The following SLCO1A2 variants were observed in gnomAD, a reference collection of about 807,000 sequenced individuals.
The protein encoded by SLCO1A2 is solute carrier organic anion transporter family member 1A2, also known as OATP-1.
A neutral mutation model predicts 69.0 loss-of-function variants in SLCO1A2; 67 were observed. The observed-to-expected ratio is 0.97, with a 90% confidence interval of 0.80 to 1.19. The LOEUF (loss-of-function observed/expected upper bound fraction) is 1.19. SLCO1A2 is among the 50% of genes most tolerant of loss of function. The pLI, the probability that SLCO1A2 is intolerant of heterozygous loss-of-function variation, is 0.00. For synonymous variants in SLCO1A2, 260 were observed against 265.9 expected (o/e 0.98, Z 0.22); for missense variants, 787 against 793.7 (o/e 0.99, Z 0.10).
chr12:21,375,756 G>A (rs1418610970), intron 1 of SLCO1A2, among the ~76,000 whole-genome samples: 1 of 152,154 alleles, frequency 6.6e-6, no homozygotes. Context: ...TTAAAAGAGA[G>A]GCAATTTAAG....
At chr12:21,348,430 A>G (rs1052716019) in intron 2 of SLCO1A2, among the ~76,000 whole-genome samples, 2 of 152,098 alleles carry the variant, frequency 1.3e-5, no homozygotes, top group Non-Finnish European at 2.9e-5. Flanking sequence ...CCATCCTTCT[A>G]CTATCTATGT....
At position 21,334,799 on chromosome 12, in the gene SLCO1A2, ATTGAAATCC is replaced by A; in HGVS notation, c.-63+19_-63+27del. 1.7e-6 allele frequency: 1 copy of A among 592,460 alleles called. No individual in the cohort carries two copies. The highest frequency in any genetic ancestry group is 2.9e-6 in the Non-Finnish European group (1 of 343,278). 36.7% of individuals were successfully genotyped at this position (592,460 alleles called of 1,614,324 possible). On this transcript the variant is annotated intron_variant, in intron 1 of 14. Coordinates refer to ENST00000683939, the MANE Select transcript of SLCO1A2 (RefSeq NM_001386879.1). ...GTAAGTGCTGAAAATGAACAACATAATTGAAATCCATTGCATTACAAAAATACCTGGAAC... is the reference window on the plus strand; with the variant it reads ...GTAAGTGCTGAAAATGAACAACATAAATTGCATTACAAAAATACCTGGAAC...
chr12:21,355,263 A>G (rs1352086272), intron 2 of SLCO1A2, among the ~76,000 whole-genome samples: 1 of 152,170 alleles, frequency 6.6e-6, no homozygotes, highest in East Asian at 1.9e-4. Flanking sequence ...AGTCTTTAAA[A>G]TGTGCATACA....
Position 21,319,457 on chromosome 12 carries a change from G to A in SLCO1A2, c.61-534C>T, listed in dbSNP as rs374050417. ...TTCTCAGCAATGAGGGAAATATCCA[G>A]AACAATCTGAGTTATGTCCTCATTC... On this transcript the variant is annotated intron_variant, in intron 2 of 14. Transcript: ENST00000683939. 28 of 1,367,330 alleles carry A rather than the reference G, an allele frequency of 2.0e-5. No homozygotes were observed. The African/African-American group carries it at 3.7e-4, about 18-fold the overall frequency. The allele number at this position is 1,367,330 out of a possible 1,614,324, so 84.7% of individuals were successfully genotyped here. A position where few individuals can be genotyped will look rare whatever the true frequency, so the allele number is the denominator to read the frequency against.
chr12:21,382,414 T>G (rs1940642889), intron 1 of SLCO1A2, among the ~76,000 whole-genome samples: 1 of 152,180 alleles, frequency 6.6e-6, no homozygotes, highest in Non-Finnish European at 1.5e-5. Flanking sequence ...CACTAAAATG[T>G]TAAAATTCAC....
chr12:21,416,334 AAGATTCACTAT>A (rs1483755187), intron 1 of SLCO1A2, among the ~76,000 whole-genome samples: 1 of 148,880 alleles, frequency 6.7e-6, no homozygotes, highest in Non-Finnish European at 1.5e-5. Context: ...ATAATGAATG[AAGATTCACTAT>A]AGAATCTCGG....
intron 2 of SLCO1A2, among the ~76,000 whole-genome samples, chr12:21,328,852 G>A (rs758436308): frequency 2.6e-5 from 4 of 152,188 alleles, no homozygotes; most frequent in Non-Finnish European, 5.9e-5. Context: ...ACAGGGCACT[G>A]AACTGGATAC....
At chr12:21,407,754 C>T (rs866814911) in intron 1 of SLCO1A2, among the ~76,000 whole-genome samples, 24 of 151,550 alleles carry the variant, frequency 1.6e-4, no homozygotes, top group South Asian at 4.2e-4. Context: ...CTGCAGTGAG[C>T]CAAGATTGTG....
chr12:21,419,396 G>C (rs1942045037), upstream of SLCO1A2: 2 of 153,274 alleles, frequency 1.3e-5, no homozygotes, highest in Admixed American at 6.5e-5. Context: ...GCGAGGCATT[G>C]CCTCACTTGG....
At chr12:21,361,678 G>T (rs1156834901) in intron 2 of SLCO1A2, among the ~76,000 whole-genome samples, 1 of 152,050 alleles carries the variant, frequency 6.6e-6, no homozygotes, top group African/African-American at 2.4e-5. Context: ...GTAGAGAAAA[G>T]ACAGTGTAGA....
At chr12:21,409,559 G>A (rs1025707480) in intron 1 of SLCO1A2, among the ~76,000 whole-genome samples, 1 of 152,098 alleles carries the variant, frequency 6.6e-6, no homozygotes, top group Non-Finnish European at 1.5e-5. Flanking sequence ...GGAAAAATTT[G>A]CTGATCTCTG....
intron 14 of SLCO1A2, among the ~76,000 whole-genome samples, chr12:21,270,424 C>T (rs1368928063): frequency 6.6e-6 from 1 of 151,212 alleles, no homozygotes; most frequent in Non-Finnish European, 1.5e-5. Flanking sequence ...AGAATTTTTG[C>T]ATGTATAAGA....
chr12:21,354,218 C>G (rs1269003293), intron 2 of SLCO1A2, among the ~76,000 whole-genome samples: 1 of 152,180 alleles, frequency 6.6e-6, no homozygotes, highest in Non-Finnish European at 1.5e-5. Context: ...CAGTCCTCTG[C>G]GGACACTGTG....
intron 1 of SLCO1A2, among the ~76,000 whole-genome samples, chr12:21,408,771 C>T (rs929885039): frequency 6.6e-6 from 1 of 151,766 alleles, no homozygotes; most frequent in Non-Finnish European, 1.5e-5. Flanking sequence ...CACACACGCA[C>T]TTATAGATAA....
intron 11 of SLCO1A2, among the ~76,000 whole-genome samples, chr12:21,292,590 T>TTTTA (rs1033907333): frequency 3.3e-5 from 5 of 152,028 alleles, no homozygotes; most frequent in African/African-American, 7.2e-5. Context: ...TTTTTTATTA[T>TTTTA]TTTATTTATT....
intron 8 of SLCO1A2, among the ~76,000 whole-genome samples, chr12:21,298,270 A>T (rs769078278): frequency 6.6e-6 from 1 of 152,200 alleles, no homozygotes; most frequent in Non-Finnish European, 1.5e-5. Flanking sequence ...TTCCTGTTAG[A>T]AAAAGCACAG....
At chr12:21,274,781 T>C (rs2136096832) in intron 13 of SLCO1A2, 195 bp from the exon 14 acceptor site, 1 of 679,522 alleles carries the variant, frequency 1.5e-6, no homozygotes, top group Non-Finnish European at 2.3e-6. Context: ...AGTAATCTTA[T>C]GGTCAAATGC....
At chr12:21,295,049 T>G (rs1947495314) in intron 10 of SLCO1A2, 4 of 152,140 alleles carry the variant, frequency 2.6e-5, no homozygotes. Context: ...AACATTTCAG[T>G]AAAACCCAGA....
intron 12 of SLCO1A2, among the ~76,000 whole-genome samples, chr12:21,276,893 A>G (rs550969745): frequency 2.6e-5 from 4 of 152,354 alleles, no homozygotes; most frequent in Middle Eastern, 3.4e-3. Context: ...CACAGTTAGA[A>G]CTTGAGTTCC....
Sources: gnomAD v4.1 joint callset for allele counts (sites outside exome capture counted in the v4.1 genomes callset) on GRCh38, gnomAD v4.1.1 for gene constraint, MANE v1.5 for transcripts, NCBI Gene and HGNC (gene_info 2026-07-23, HGNC 2026-07-21) for gene names.